The following SELENOO variants were observed in gnomAD, a reference collection of about 807,000 sequenced individuals.
The protein encoded by SELENOO is selenoprotein O.
In SELENOO, 74 loss-of-function variants were observed where a neutral mutation model predicts 58.7. The observed-to-expected ratio is 1.26, with a 90% CI of 1.04 to 1.53. The LOEUF (loss-of-function observed/expected upper bound fraction) is 1.53, where lower values mean the gene tolerates loss of function less well. SELENOO is among the 40% of genes most tolerant of loss of function. SELENOO has a pLI of 0.00. For synonymous variants in SELENOO, 543 were observed against 453.2 expected (o/e 1.20, Z -2.52); for missense variants, 1,149 against 970.0 (o/e 1.18, Z -2.45).
chr22:50,216,697 ATCCAT>A lies in SELENOO; in HGVS notation c.1510_1514del (p.Ser504AspfsTer52), dbSNP rs2064415598. ...CACCCTGGCCTCTCCACAGGCAGCTATCCATGATGCTGATGCTGGCGCAGTCAAAC... is the reference window on the plus strand; with the variant it reads ...CACCCTGGCCTCTCCACAGGCAGCTAGATGCTGATGCTGGCGCAGTCAAAC... On this transcript the variant is annotated frameshift_variant, in exon 7 of 9. Transcript: ENST00000380903. LOFTEE classifies it high-confidence loss of function. 1 of 1,590,494 alleles carries A rather than the reference ATCCAT, an allele frequency of 6.3e-7. No homozygotes were observed. Among genetic ancestry groups the A allele is most frequent in the African/African-American group, 1.3e-5 (1 of 74,386 alleles).
In SELENOO at chr22:50,216,681, C is replaced by T. The variant is rs1228158832; in HGVS notation, c.1503-10C>T. On this transcript the variant is annotated splice_polypyrimidine_tract_variant and intron_variant, in intron 6 of 8. Coordinates refer to ENST00000380903, the MANE Select transcript of SELENOO (RefSeq NM_031454.2). ...GGGGCTACCTCCCAGACACCCTGGCCTCTCCACAGGCAGCTATCCATGATG... is the reference window on the plus strand; with the variant it reads ...GGGGCTACCTCCCAGACACCCTGGCTTCTCCACAGGCAGCTATCCATGATG... The T allele has an allele frequency of 8.9e-6, 14 of 1,576,748 alleles. No homozygotes were observed. Among genetic ancestry groups the T allele is most frequent in the South Asian group, 2.3e-5 (2 of 87,064 alleles).
chr22:50,213,541 G>A (rs982586207), intron 5 of SELENOO, among the ~76,000 whole-genome samples: 11 of 151,572 alleles, frequency 7.3e-5, no homozygotes, highest in African/African-American at 2.2e-4. Flanking sequence ...TGGAGAAGAC[G>A]GTGTGCTCTC....
rs905455591 is a variant in SELENOO at position 50,210,810 on chromosome 22, A to G, written c.1250A>G (p.His417Arg). 6.2e-6 allele frequency: 10 copies of G among 1,613,924 alleles called. No individual in the cohort carries two copies. Among genetic ancestry groups the G allele is most frequent in the Non-Finnish European group, 8.5e-6 (10 of 1,180,026 alleles). ...AEEFDAEFQR[H>R]YLQKMRRKLG... The stretch of plus-strand genomic sequence containing the variant: ...GAGTTTGACGCCGAGTTCCAAAGGC[A>G]CTACCTGCAGAAGATGCGCAGGAAG... The change falls in exon 5 of 9, where the codon CAC becomes CGC. Residue 417 changes from histidine (H) to arginine (R), a missense_variant. Coordinates refer to ENST00000380903, the MANE Select transcript of SELENOO (RefSeq NM_031454.2).
Position 50,210,281 on chromosome 22 carries a change from T to G in SELENOO, c.1040T>G (p.Ile347Ser), listed in dbSNP as rs749563556. 73 of 1,613,310 alleles carry G rather than the reference T, an allele frequency of 4.5e-5. No homozygotes were observed. The highest frequency in any genetic ancestry group is 5.9e-5 in the Non-Finnish European group (70 of 1,179,928). ...AACATGAGCATCCTGGGGCTCACCA[T>G]CGACTACGGGCCCTTTGGCTTCCTG... is the stretch of plus-strand genomic sequence containing the variant. Reference protein sequence around the residue: ...TDNMSILGLTIDYGPFGFLDR... With the variant: ...TDNMSILGLTSDYGPFGFLDR... The change falls in exon 4 of 9, where the codon ATC becomes AGC. Residue 347 changes from isoleucine to serine, a missense_variant. Transcript: ENST00000380903.
chr22:50,205,306 C>T (rs111841680), intron 1 of SELENOO, among the ~76,000 whole-genome samples: 5,380 of 152,284 alleles, frequency 0.035, 327 homozygotes, highest in African/African-American at 0.12. Context: ...TAAGATGGGC[C>T]GGGCGCAGTG....
intron 2 of SELENOO, 96 bp from the exon 3 acceptor site, chr22:50,208,440 A>G: frequency 8.1e-7 from 1 of 1,228,346 alleles, no homozygotes; most frequent in Non-Finnish European, 1.1e-6. Context: ...CAAAAAAAAA[A>G]AAAAAATAGC....
Position 50,216,726 on chromosome 22 carries a change from A to G in SELENOO, c.1538A>G (p.Asn513Ser). 6.2e-7 allele frequency: 1 copy of G among 1,602,978 alleles called. No individual in the cohort carries two copies. The highest frequency in any genetic ancestry group is 1.1e-5 in the South Asian group (1 of 90,048). Residue 513 changes from asparagine (N) to serine (S), a missense_variant, in exon 7 of 9, where the codon AAC becomes AGC. Asn to Ser is a conservative substitution (Grantham distance 46). Coordinates refer to ENST00000380903, the MANE Select transcript of SELENOO (RefSeq NM_031454.2). ...LSMMLMLAQS[N>S]PQLFALMGTR... The stretch of plus-strand genomic sequence containing the variant: ...ATGATGCTGATGCTGGCGCAGTCAA[A>G]CCCGCAGCTGTTCGCGCTTATGGGC...
At chr22:50,202,577 T>C (rs1267043143) in intron 1 of SELENOO, among the ~76,000 whole-genome samples, 1 of 152,118 alleles carries the variant, frequency 6.6e-6, no homozygotes, top group Non-Finnish European at 1.5e-5. Flanking sequence ...TTTTTTTTTT[T>C]AATTTTTGTT....
rs1485622583 is a variant in SELENOO, at chr22:50,206,424, C to T, written c.662C>T (p.Thr221Met). 2.5e-6 allele frequency: 4 copies of T among 1,614,198 alleles called. No individual in the cohort carries two copies. The highest frequency in any genetic ancestry group is 3.4e-6 in the Non-Finnish European group (4 of 1,180,032). Residue 221 changes from threonine to methionine, a missense_variant, in exon 2 of 9, where the codon ACG becomes ATG. Transcript: ENST00000380903. ...VPTTRAGACVTSESTVVRDVF... is the reference protein window; with the variant it reads ...VPTTRAGACVMSESTVVRDVF... ...ACCACACGGGCCGGCGCCTGCGTCACGTCCGAGTCCACGGTGGTGCGCGAC... is the reference window on the plus strand; with the variant it reads ...ACCACACGGGCCGGCGCCTGCGTCATGTCCGAGTCCACGGTGGTGCGCGAC...
chr22:50,216,730 G>T lies in SELENOO; in HGVS notation c.1542G>T (p.Pro514=). The T allele has an allele frequency of 6.2e-7, 1 of 1,603,802 alleles. No homozygotes were observed. The highest frequency in any genetic ancestry group is 8.5e-7 in the Non-Finnish European group (1 of 1,177,772). ...TGCTGATGCTGGCGCAGTCAAACCCGCAGCTGTTCGCGCTTATGGGCACCC... is the reference window on the plus strand; with the variant it reads ...TGCTGATGCTGGCGCAGTCAAACCCTCAGCTGTTCGCGCTTATGGGCACCC... ...SMMLMLAQSN[P]QLFALMGTRA... The change falls in exon 7 of 9, where the codon CCG becomes CCT. Residue 514 remains proline (P), a synonymous_variant. Coordinates refer to ENST00000380903, the MANE Select transcript of SELENOO (RefSeq NM_031454.2).
At chr22:50,208,325 G>C in intron 2 of SELENOO, 1 of 432,066 alleles carries the variant, frequency 2.3e-6, no homozygotes, top group Non-Finnish European at 4.2e-6. Flanking sequence ...AGCTACTCGG[G>C]AGGCTGAGGC....
intron 2 of SELENOO, 96 bp downstream of exon 2, chr22:50,206,616 C>T (rs2064334901): frequency 8.8e-7 from 1 of 1,131,806 alleles, no homozygotes. Flanking sequence ...GAAACAAACC[C>T]AGATGACCGC....
At chr22:50,202,585 GTTTTTC>G (rs1005901148) in intron 1 of SELENOO, among the ~76,000 whole-genome samples, 4 of 151,278 alleles carry the variant, frequency 2.6e-5, no homozygotes, top group African/African-American at 4.9e-5. Context: ...TTTAATTTTT[GTTTTTC>G]TTTTTGGCGA....
Position 50,216,883 on chromosome 22 carries a change from C to T in SELENOO, c.1688+7C>T, listed in dbSNP as rs766628633. ...ACTGGCTACAGGCGTACAGGTGAGC[C>T]CTGCGTCCATGGTCACCGGGGGACG... On this transcript the variant is annotated splice_region_variant and intron_variant, in intron 7 of 8. Coordinates refer to ENST00000380903, the MANE Select transcript of SELENOO (RefSeq NM_031454.2). 8.7e-6 allele frequency: 14 copies of T among 1,605,978 alleles called. No individual in the cohort carries two copies. The highest frequency in any genetic ancestry group is 1.2e-5 in the Non-Finnish European group (14 of 1,178,778).
rs767019062 is a variant in SELENOO at position 50,206,520 on chromosome 22, G to A, written c.758G>A (p.Arg253Lys). ...TTGCGTGTAGCTTCCACTTTCATAA[G>A]GTAATGCCGGGGGCCTTTCGGCCTG... is the stretch of plus-strand genomic sequence containing the variant. ...VVLRVASTFI[R>K]FGSFEIFKSA... The change falls in exon 2 of 9, where the codon AGG becomes AAG. Residue 253 changes from arginine to lysine, a missense_variant and splice_region_variant. Coordinates refer to ENST00000380903, the MANE Select transcript of SELENOO (RefSeq NM_031454.2). 11 of 1,611,878 alleles carry A rather than the reference G, an allele frequency of 6.8e-6. No individual in the cohort carries two copies. Among genetic ancestry groups the A allele is most frequent in the South Asian group, 3.3e-5 (3 of 90,772 alleles).
At position 50,216,734 on chromosome 22, in the gene SELENOO, C is replaced by A; in HGVS notation, c.1546C>A (p.Leu516Met). Reference sequence around the variant, plus strand: ...GATGCTGGCGCAGTCAAACCCGCAGCTGTTCGCGCTTATGGGCACCCGGGC... The same window carrying A: ...GATGCTGGCGCAGTCAAACCCGCAGATGTTCGCGCTTATGGGCACCCGGGC... ...MLMLAQSNPQ[L>M]FALMGTRAGI... The change falls in exon 7 of 9, where the codon CTG becomes ATG. Residue 516 changes from leucine to methionine, a missense_variant. Physicochemically the swap from Leu to Met is conservative, Grantham distance 15. Transcript: ENST00000380903. The A allele has an allele frequency of 6.2e-7, 1 of 1,605,126 alleles. No individual in the cohort carries two copies.
intron 3 of SELENOO, 25 bp downstream of exon 3, chr22:50,208,741 C>T: frequency 6.3e-7 from 1 of 1,598,780 alleles, no homozygotes; most frequent in Non-Finnish European, 8.5e-7. Context: ...CGCCACCCCT[C>T]CCTGCGGGTG....
In SELENOO at chr22:50,217,052, A is replaced by G. The variant is rs780618321; in HGVS notation, c.1769A>G (p.Asn590Ser). 5.6e-6 allele frequency: 9 copies of G among 1,612,558 alleles called. No homozygotes were observed. The highest frequency in any genetic ancestry group is 1.1e-5 in the South Asian group (1 of 91,092). The change falls in exon 8 of 9, where the codon AAC becomes AGC. Residue 590 changes from asparagine (N) to serine (S), a missense_variant. Transcript: ENST00000380903. ...GAGCACGTGCGCGTGATGCACGCCA[A>G]CAACCCGAAGTACGTGCTGAGGAAC... is the stretch of plus-strand genomic sequence containing the variant. Reference protein sequence around the residue: ...QAEHVRVMHANNPKYVLRNYI... With the variant: ...QAEHVRVMHASNPKYVLRNYI...
chr22:50,211,922 T>C lies in SELENOO; in HGVS notation c.1351+1011T>C, dbSNP rs2064373945. 4.6e-5 allele frequency among the ~76,000 whole-genome samples: 7 copies of C among 152,208 alleles called. No individual in the cohort carries two copies. The South Asian group carries it at 1.4e-3, about 31-fold the overall frequency. On this transcript the variant is annotated intron_variant, in intron 5 of 8. Coordinates refer to ENST00000380903, the MANE Select transcript of SELENOO (RefSeq NM_031454.2). ...TTCGCCGTGTTGGTCAGGCTGGTCT[T>C]GAACTCCCGACCTCAGGTGATCTGC...
Sources: allele counts gnomAD v4.1 joint callset (sites outside exome capture counted in the v4.1 genomes callset), GRCh38; gene constraint gnomAD v4.1.1; transcripts MANE v1.5; gene names NCBI Gene and HGNC (gene_info 2026-07-23, HGNC 2026-07-21).